SLC9A9: variants seen among roughly 807,000 people sequenced by gnomAD.
The protein encoded by SLC9A9 is solute carrier family 9 member A9.
In SLC9A9, 62 loss-of-function variants were observed where a neutral mutation model predicts 77.8. The observed-to-expected ratio is 0.80, with a 90% CI of 0.65 to 0.98. The LOEUF (loss-of-function observed/expected upper bound fraction) is 0.98. Among genes scored for constraint, SLC9A9 ranks in the 50% least tolerant of loss-of-function variants. SLC9A9 has a pLI of 0.00. For missense variants in SLC9A9, 775 were observed against 774.9 expected (o/e 1.00, Z 0.00); for synonymous variants, 320 against 283.5 (o/e 1.13, Z -1.29).
chr3:143,627,466 C>A, intron 6 of SLC9A9: 1 of 222,902 alleles, frequency 4.5e-6, no homozygotes, highest in Non-Finnish European at 9.6e-6. Context: ...TTGTGTCTTG[C>A]CACAGGCAAA....
chr3:143,515,281 A>C (rs761660441), intron 9 of SLC9A9, among the ~76,000 whole-genome samples: 14 of 152,240 alleles, frequency 9.2e-5, no homozygotes, highest in Non-Finnish European at 2.1e-4. Flanking sequence ...TCATCATAAC[A>C]CATATAATGA....
chr3:143,727,117 A>G (rs1403741345), intron 4 of SLC9A9, among the ~76,000 whole-genome samples: 22 of 152,204 alleles, frequency 1.4e-4, no homozygotes, highest in Admixed American at 1.4e-3. Flanking sequence ...ACAAAAAGAG[A>G]ACAAACTTAT....
chr3:143,315,193 T>C (rs2031163572), intron 14 of SLC9A9, among the ~76,000 whole-genome samples: 1 of 152,218 alleles, frequency 6.6e-6, no homozygotes. Context: ...ACCTCAGCTA[T>C]AAGCCCCAGT....
chr3:143,648,007 A>G (rs1160904980), intron 6 of SLC9A9, among the ~76,000 whole-genome samples: 1 of 152,218 alleles, frequency 6.6e-6, no homozygotes, highest in Non-Finnish European at 1.5e-5. Flanking sequence ...AGTAATTTTA[A>G]TAAAACCAGA....
intron 5 of SLC9A9, among the ~76,000 whole-genome samples, chr3:143,661,925 T>TGCCTGGCACTGGGCATGG (rs58863392): frequency 0.15 from 22,181 of 152,096 alleles, 2,359 homozygotes; most frequent in African/African-American, 0.31. Flanking sequence ...ACCTGCTGTG[T>TGCCTGGCACTGGGCATGG]ATGTCTTACA....
Position 143,578,481 on chromosome 3 carries a change from T to C in SLC9A9, c.894+104A>G, listed in dbSNP as rs2037399624. The C allele has an allele frequency of 5.1e-6, 8 of 1,558,646 alleles. No individual in the cohort carries two copies. In the South Asian group the frequency reaches 9.1e-5, roughly 18 times the overall value. On this transcript the variant is annotated intron_variant, in intron 7 of 15. Coordinates refer to ENST00000316549, the MANE Select transcript of SLC9A9 (RefSeq NM_173653.4). ...GTGCCGTATGAAACTTGGACCAGAC[T>C]ATCTAGCCTTTTATGGGCCTGGAGG...
chr3:143,658,585 CT>C (rs977897144), intron 5 of SLC9A9, among the ~76,000 whole-genome samples: 11 of 151,936 alleles, frequency 7.2e-5, no homozygotes, highest in African/African-American at 2.7e-4. Context: ...TGTTTAAGCC[CT>C]TTTTTTTGAA....
At chr3:143,649,997 A>G (rs1041991886) in intron 6 of SLC9A9, among the ~76,000 whole-genome samples, 11 of 152,214 alleles carry the variant, frequency 7.2e-5, no homozygotes, top group African/African-American at 2.7e-4. Context: ...TGTAAATCCA[A>G]TGCTGTGCAG....
At chr3:143,396,178 A>C (rs2033724034) in intron 12 of SLC9A9, among the ~76,000 whole-genome samples, 1 of 152,238 alleles carries the variant, frequency 6.6e-6, no homozygotes, top group South Asian at 2.1e-4. Flanking sequence ...TATTCACAAT[A>C]GGAAAGACTT....
intron 14 of SLC9A9, among the ~76,000 whole-genome samples, chr3:143,313,955 C>G (rs1017367132): frequency 6.6e-6 from 1 of 152,210 alleles, no homozygotes; most frequent in African/African-American, 2.4e-5. Flanking sequence ...CCCATGCCCC[C>G]CATAGCTGCC....
intron 4 of SLC9A9, among the ~76,000 whole-genome samples, chr3:143,749,440 G>T (rs531429188): frequency 6.6e-6 from 1 of 152,316 alleles, no homozygotes; most frequent in East Asian, 1.9e-4. Flanking sequence ...AAAATTCCAT[G>T]TCTGGATACT....
intron 14 of SLC9A9, among the ~76,000 whole-genome samples, chr3:143,301,686 G>A (rs926826024): frequency 1.3e-5 from 2 of 152,068 alleles, no homozygotes; most frequent in African/African-American, 4.8e-5. Context: ...AGTAGTATAG[G>A]GCACAGTCCC....
chr3:143,762,173 A>G (rs2007149610), intron 4 of SLC9A9, among the ~76,000 whole-genome samples: 1 of 151,946 alleles, frequency 6.6e-6, no homozygotes, highest in Admixed American at 6.6e-5. Flanking sequence ...GGGGAACATC[A>G]CCCACTGGGG....
chr3:143,830,974 T>C (rs966949171), intron 2 of SLC9A9, among the ~76,000 whole-genome samples: 2 of 152,288 alleles, frequency 1.3e-5, no homozygotes, highest in Non-Finnish European at 2.9e-5. Context: ...CCTGAGCCCT[T>C]ACCAAGTGCT....
rs1937680901 is a variant in SLC9A9 at position 143,265,457 on chromosome 3, C to CTT, written c.*1243_*1244dup. On this transcript the variant is annotated 3_prime_UTR_variant, in exon 16 of 16. Transcript: ENST00000316549. ...ACAGTGGTCAGCAAAGCATACATTA[C>CTT]TTTTAAGCTTTGGGTCCAAGGAAGA... is the stretch of plus-strand genomic sequence containing the variant. 1 of 158,612 alleles carries CTT rather than the reference C, an allele frequency of 6.3e-6. No individual in the cohort carries two copies. The highest frequency in any genetic ancestry group is 6.5e-5 in the Admixed American group (1 of 15,448). 9.8% of individuals were successfully genotyped at this position (158,612 alleles called of 1,614,324 possible).
At chr3:143,360,055 A>G (rs1169993108) in intron 14 of SLC9A9, among the ~76,000 whole-genome samples, 1 of 152,164 alleles carries the variant, frequency 6.6e-6, no homozygotes, top group African/African-American at 2.4e-5. Context: ...GTAGAGTAAG[A>G]GATATCATGG....
intron 6 of SLC9A9, among the ~76,000 whole-genome samples, chr3:143,645,546 T>C (rs566621963): frequency 6.6e-6 from 1 of 152,300 alleles, no homozygotes; most frequent in Admixed American, 6.5e-5. Context: ...TGGATGATAG[T>C]TCAAGGTTCC....
chr3:143,322,942 CA>C (rs1441866236), intron 14 of SLC9A9, among the ~76,000 whole-genome samples: 19 of 151,962 alleles, frequency 1.3e-4, no homozygotes, highest in African/African-American at 3.6e-4. Flanking sequence ...ACAAAACAAA[CA>C]AAAAACCATA....
At chr3:143,335,044 A>C (rs910375519) in intron 14 of SLC9A9, among the ~76,000 whole-genome samples, 3 of 152,154 alleles carry the variant, frequency 2.0e-5, no homozygotes, top group Non-Finnish European at 4.4e-5. Context: ...TATATATAGA[A>C]AACCCTAAGG....
Sources: allele counts gnomAD v4.1 joint callset (sites outside exome capture counted in the v4.1 genomes callset), GRCh38; gene constraint gnomAD v4.1.1; transcripts MANE v1.5; gene names NCBI Gene and HGNC (gene_info 2026-07-23, HGNC 2026-07-21).